The following LGR4 variants were observed in gnomAD, a reference collection of about 807,000 sequenced individuals.
LGR4 encodes leucine-rich repeat-containing G protein-coupled receptor 4.
In LGR4, 44 loss-of-function variants were observed where a neutral mutation model predicts 84.8. That is an observed-to-expected ratio of 0.52 (90% CI 0.41 to 0.67). The LOEUF (loss-of-function observed/expected upper bound fraction) is 0.67. LGR4 is among the 30% of genes least tolerant of loss of function. The pLI is 0.00. For synonymous variants in LGR4, 429 were observed against 434.3 expected (o/e 0.99, Z 0.15); for missense variants, 1,032 against 1,131.4 (o/e 0.91, Z 1.26).
chr11:27,381,015 A>C (rs1863083473), intron 7 of LGR4, 49 bp from the exon 8 acceptor site: 3 of 992,984 alleles, frequency 3.0e-6, no homozygotes, highest in Non-Finnish European at 4.8e-6. Flanking sequence ...CCTCTTGCGA[A>C]ATAAAACCCA....
chr11:27,391,848 A>G (rs990034763), intron 3 of LGR4, among the ~76,000 whole-genome samples: 31 of 152,162 alleles, frequency 2.0e-4, no homozygotes, highest in African/African-American at 7.2e-4. Context: ...TAGAAGAGAT[A>G]AAGGTCCCAC....
intron 1 of LGR4, among the ~76,000 whole-genome samples, 154 bp from the exon 2 acceptor site, chr11:27,413,014 A>T (rs1275821048): frequency 6.6e-6 from 1 of 152,158 alleles, no homozygotes; most frequent in Non-Finnish European, 1.5e-5. Context: ...TGCAATATTC[A>T]GAAAACACAG....
At chr11:27,369,206 G>T in intron 17 of LGR4, 63 bp from the exon 18 acceptor site, 2 of 1,256,334 alleles carry the variant, frequency 1.6e-6, no homozygotes, top group Non-Finnish European at 2.2e-6. Flanking sequence ...TTTAGAAAAT[G>T]ATATGGCTTG....
rs973741106 is a variant in LGR4 at position 27,453,809 on chromosome 11, G to A, written c.185+18309C>T. ...CTGTAAACCAAAAATAAAATTCTAA[G>A]GGCCCCAGCCTTCTGAATGGAACCC... is the stretch of plus-strand genomic sequence containing the variant. On this transcript the variant is annotated intron_variant, in intron 1 of 17. Coordinates refer to ENST00000379214, the MANE Select transcript of LGR4 (RefSeq NM_018490.5). 7.2e-5 allele frequency among the ~76,000 whole-genome samples: 11 copies of A among 152,216 alleles called. No individual in the cohort carries two copies. In the South Asian group the frequency reaches 2.3e-3, roughly 32 times the overall value.
intron 14 of LGR4, 42 bp downstream of exon 14, chr11:27,373,933 A>G: frequency 7.6e-7 from 1 of 1,311,732 alleles, no homozygotes; most frequent in Non-Finnish European, 1.1e-6. Flanking sequence ...CTATAGCACT[A>G]GTTACTACTT....
Position 27,472,115 on chromosome 11 carries a change from C to CA in LGR4, c.185+2dup, listed in dbSNP as rs752261257. On this transcript the variant is annotated splice_region_variant and intron_variant, in intron 1 of 17. Transcript: ENST00000379214. The stretch of plus-strand genomic sequence containing the variant: ...CCCTCGCGTCCCCGCCGCCCGCACT[C>CA]ACAGCGCTTGGGTGAAGGCGCTGAG... The CA allele has an allele frequency of 7.9e-7, 1 of 1,269,988 alleles. No homozygotes were observed. 78.7% of individuals were successfully genotyped at this position (1,269,988 alleles called of 1,614,324 possible). A position where few individuals can be genotyped will look rare whatever the true frequency, so the allele number is the denominator to read the frequency against.
At position 27,470,362 on chromosome 11, in the gene LGR4, G is replaced by A. The variant is rs550924971; in HGVS notation, c.185+1756C>T. Among the ~76,000 whole-genome samples, 31 of 152,276 alleles carry A rather than the reference G, an allele frequency of 2.0e-4. 1 individual carries two copies. In the South Asian group the frequency reaches 6.2e-3, roughly 31 times the overall value. Reference sequence around the variant, plus strand: ...TGGTTTTAGATACTAATGTAAAACAGCCCGTTTCCTTATAGGACAAGTCTA... The same window carrying A: ...TGGTTTTAGATACTAATGTAAAACAACCCGTTTCCTTATAGGACAAGTCTA... On this transcript the variant is annotated intron_variant, in intron 1 of 17. Transcript: ENST00000379214.
intron 1 of LGR4, among the ~76,000 whole-genome samples, chr11:27,456,555 G>A (rs1249290843): frequency 6.6e-6 from 1 of 152,076 alleles, no homozygotes; most frequent in African/African-American, 2.4e-5. Context: ...TGGTTTAAAG[G>A]AGCACATTCA....
Position 27,472,103 on chromosome 11 carries a change from G to T in LGR4, c.185+15C>A. The stretch of plus-strand genomic sequence containing the variant: ...TTTCCTCCCCCCCCCTCGCGTCCCC[G>T]CCGCCCGCACTCACAGCGCTTGGGT... On this transcript the variant is annotated intron_variant, in intron 1 of 17. Coordinates refer to ENST00000379214, the MANE Select transcript of LGR4 (RefSeq NM_018490.5). The T allele has an allele frequency of 2.6e-6, 1 of 392,090 alleles. No individual in the cohort carries two copies. The highest frequency in any genetic ancestry group is 3.3e-6 in the Non-Finnish European group (1 of 302,098). The allele number at this position is 392,090 out of a possible 1,614,324, so 24.3% of individuals were successfully genotyped here.
At chr11:27,471,863 A>G (rs576446055) in intron 1 of LGR4, 42 of 312,972 alleles carry the variant, frequency 1.3e-4, no homozygotes, top group African/African-American at 8.5e-4. Flanking sequence ...GTGGGGTGGG[A>G]GGGTGCTTGT....
In LGR4 at chr11:27,376,212, G is replaced by A. The variant is rs78337812; in HGVS notation, c.1181+87C>T. ...GCTGAAATTAAAATTATATCTTTAA[G>A]TATATCTAGTAACATGGAAATCATA... On this transcript the variant is annotated intron_variant, in intron 13 of 17. Coordinates refer to ENST00000379214, the MANE Select transcript of LGR4 (RefSeq NM_018490.5). 3.8e-3 allele frequency: 2,898 copies of A among 766,098 alleles called. 73 individuals carry two copies. In the African/African-American group the frequency reaches 0.047, roughly 12 times the overall value. 47.5% of individuals were successfully genotyped at this position (766,098 alleles called of 1,614,324 possible).
rs760631826 is a variant in LGR4 at position 27,376,320 on chromosome 11, C to T, written c.1160G>A (p.Gly387Asp). 7 of 1,581,024 alleles carry T rather than the reference C, an allele frequency of 4.4e-6. No homozygotes were observed. Among genetic ancestry groups the T allele is most frequent in the South Asian group, 1.1e-5 (1 of 88,598 alleles). ...IYQIKEGTFQGLISLRILDLS... is the reference protein window; with the variant it reads ...IYQIKEGTFQDLISLRILDLS... ...TTACAGAATCCTTAGAGATATCAGG[C>T]CTTGAAAGGTGCCTTCCTTTATTTG... Residue 387 changes from glycine (G) to aspartate (D), a missense_variant, in exon 13 of 18, where the codon GGC becomes GAC. Gly to Asp is a moderately conservative substitution (Grantham distance 94). Coordinates refer to ENST00000379214, the MANE Select transcript of LGR4 (RefSeq NM_018490.5).
intron 2 of LGR4, among the ~76,000 whole-genome samples, chr11:27,394,640 T>C (rs182054764): frequency 6.6e-6 from 1 of 152,132 alleles, no homozygotes; most frequent in Admixed American, 6.6e-5. Context: ...TGACCTCAAA[T>C]GATCCGCCTG....
intron 1 of LGR4, among the ~76,000 whole-genome samples, chr11:27,455,066 C>T (rs1412264695): frequency 1.3e-5 from 2 of 152,146 alleles, no homozygotes; most frequent in Non-Finnish European, 2.9e-5. Context: ...TTCCAGGTCT[C>T]ACTTTGTCAC....
In LGR4 at chr11:27,387,322, A is replaced by T. The variant is rs547918776; in HGVS notation, c.402-1854T>A. On this transcript the variant is annotated intron_variant, in intron 4 of 17. Coordinates refer to ENST00000379214, the MANE Select transcript of LGR4 (RefSeq NM_018490.5). ...AACACAATAAACACGTTACAAAATG[A>T]TAACAAATACTCTAAAAACTACCTC... 2.0e-5 allele frequency among the ~76,000 whole-genome samples: 3 copies of T among 152,306 alleles called. No individual in the cohort carries two copies. The South Asian group carries it at 6.2e-4, about 32-fold the overall frequency.
At chr11:27,397,419 CT>C (rs1199401351) in intron 2 of LGR4, among the ~76,000 whole-genome samples, 1 of 152,140 alleles carries the variant, frequency 6.6e-6, no homozygotes, top group Non-Finnish European at 1.5e-5. Flanking sequence ...ACTAGGTCAT[CT>C]TTATTCTATA....
chr11:27,467,461 G>C (rs1429746489), intron 1 of LGR4, among the ~76,000 whole-genome samples: 1 of 151,774 alleles, frequency 6.6e-6, no homozygotes, highest in Non-Finnish European at 1.5e-5. Context: ...CCAGCCACTC[G>C]GGAGGCTGAG....
At chr11:27,377,445 T>C (rs940837928) in intron 11 of LGR4, among the ~76,000 whole-genome samples, 1 of 151,892 alleles carries the variant, frequency 6.6e-6, no homozygotes, top group Non-Finnish European at 1.5e-5. Flanking sequence ...TTGTTGAGCA[T>C]AGACACTAAT....
intron 1 of LGR4, among the ~76,000 whole-genome samples, chr11:27,443,017 G>A (rs1253807659): frequency 1.3e-5 from 2 of 152,174 alleles, no homozygotes; most frequent in Non-Finnish European, 2.9e-5. Flanking sequence ...ACCATTCTGA[G>A]AGACAGGTAT....
Sources: gnomAD v4.1 joint callset for allele counts (sites outside exome capture counted in the v4.1 genomes callset) on GRCh38, gnomAD v4.1.1 for gene constraint, MANE v1.5 for transcripts, NCBI Gene and HGNC (gene_info 2026-07-23, HGNC 2026-07-21) for gene names.